Variants in USH2A observed in about 807,000 individuals in gnomAD.
The protein encoded by USH2A is Usher syndrome 2A (autosomal recessive, mild).
A neutral mutation model predicts 538.9 loss-of-function variants in USH2A; 443 were observed. That is an observed-to-expected ratio of 0.82 (90% CI 0.76 to 0.89). The LOEUF (loss-of-function observed/expected upper bound fraction) is 0.89, where lower values mean the gene tolerates loss of function less well. USH2A is among the 40% of genes least tolerant of loss of function. USH2A has a pLI of 0.00. For synonymous variants in USH2A, 2,413 were observed against 2,273.5 expected (o/e 1.06, Z -1.75); for missense variants, 6,633 against 6,324.8 (o/e 1.05, Z -1.65).
At chr1:215,696,993 C>T (rs1004477248) in intron 61 of USH2A, among the ~76,000 whole-genome samples, 4 of 151,990 alleles carry the variant, frequency 2.6e-5, no homozygotes, top group South Asian at 2.1e-4. Context: ...TACTTTGACA[C>T]TCAGGCTGGG....
chr1:216,370,717 T>C (rs2102717403), intron 3 of USH2A, among the ~76,000 whole-genome samples: 1 of 122,602 alleles, frequency 8.2e-6, no homozygotes, highest in East Asian at 2.6e-4. Flanking sequence ...CAAGGTGCTA[T>C]AGAAGCGTGA....
rs886041502 is a variant in USH2A, at chr1:215,888,698, T to TG, written c.7950dup (p.Asn2651GlnfsTer10). The stretch of plus-strand genomic sequence containing the variant: ...ATTGTGAAATTCTCCACCAAGCCAT[T>TG]GGGGTGGGTAGGGGGTTGCCAAGAT... On this transcript the variant is annotated frameshift_variant, in exon 41 of 72. Transcript: ENST00000307340. LOFTEE classifies it high-confidence loss of function. 1.9e-6 allele frequency: 3 copies of TG among 1,614,092 alleles called. No homozygotes were observed. Among genetic ancestry groups the TG allele is most frequent in the Non-Finnish European group, 1.7e-6 (2 of 1,179,988 alleles).
chr1:215,854,809 C>T (rs572500656), intron 44 of USH2A, among the ~76,000 whole-genome samples: 1 of 152,250 alleles, frequency 6.6e-6, no homozygotes, highest in East Asian at 1.9e-4. Context: ...CTCTACCTGG[C>T]CAGTGCCATG....
intron 36 of USH2A, among the ~76,000 whole-genome samples, chr1:215,968,959 T>A (rs969746918): frequency 6.6e-6 from 1 of 152,144 alleles, no homozygotes. Context: ...TAAGGACACA[T>A]TAAAAGAATC....
intron 37 of USH2A, among the ~76,000 whole-genome samples, chr1:215,945,828 C>T (rs1666746313): frequency 1.3e-5 from 2 of 152,100 alleles, no homozygotes; most frequent in African/African-American, 4.8e-5. Context: ...GATTGTCTCA[C>T]TTGCACTTGT....
chr1:215,881,715 TA>T (rs1376515178), intron 41 of USH2A, among the ~76,000 whole-genome samples: 1 of 152,216 alleles, frequency 6.6e-6, no homozygotes, highest in Non-Finnish European at 1.5e-5. Context: ...TTAAAACTTT[TA>T]AATAGAATTA....
chr1:216,280,618 C>G (rs970661260), intron 11 of USH2A, among the ~76,000 whole-genome samples: 10 of 152,154 alleles, frequency 6.6e-5, no homozygotes, highest in South Asian at 4.1e-4. Context: ...TCTGTCTTGA[C>G]TGTGGCATCA....
intron 18 of USH2A, 123 bp from the exon 19 acceptor site, chr1:216,196,845 T>C (rs2034858482): frequency 8.3e-7 from 1 of 1,210,938 alleles, no homozygotes; most frequent in Admixed American, 2.0e-5. Context: ...TATTCTGCTT[T>C]GAAAAAGTCC....
At chr1:215,745,174 C>T (rs1275695476) in intron 58 of USH2A, among the ~76,000 whole-genome samples, 6 of 152,138 alleles carry the variant, frequency 3.9e-5, no homozygotes, top group Non-Finnish European at 7.4e-5. Context: ...TAGAGTGGAT[C>T]CTGCCTTCTT....
chr1:216,175,060 C>A, intron 21 of USH2A, 192 bp downstream of exon 21: 1 of 1,427,668 alleles, frequency 7.0e-7, no homozygotes. Context: ...CTTTCCTTCA[C>A]TTACCTGACT....
rs1659263891 is a variant in USH2A at position 215,709,108 on chromosome 1, T to C, written c.12066+18922A>G. Among the ~76,000 whole-genome samples, 4 of 152,056 alleles carry C rather than the reference T, an allele frequency of 2.6e-5. No homozygotes were observed. The South Asian group carries it at 8.3e-4, about 31-fold the overall frequency. On this transcript the variant is annotated intron_variant, in intron 61 of 71. Coordinates refer to ENST00000307340, the MANE Select transcript of USH2A (RefSeq NM_206933.4). ...ACATGAATGGTCCAATTGTATTTGA[T>C]CAGAAGTGTCAACAAAATTTTGAAA...
chr1:216,049,461 T>A lies in USH2A; in HGVS notation c.6050-814A>T, dbSNP rs578085719. On this transcript the variant is annotated intron_variant, in intron 30 of 71. Coordinates refer to ENST00000307340, the MANE Select transcript of USH2A (RefSeq NM_206933.4). ...AGTTAATCCTGTGAATTAAAAAAAA[T>A]CCAAAATATAACTTGTGCTTTTGCT... Among the ~76,000 whole-genome samples the A allele has an allele frequency of 3.3e-5, 5 of 152,252 alleles. No homozygotes were observed. In the South Asian group the frequency reaches 1.0e-3, roughly 32 times the overall value.
At chr1:215,694,245 G>A (rs572145810) in intron 61 of USH2A, among the ~76,000 whole-genome samples, 12 of 152,074 alleles carry the variant, frequency 7.9e-5, no homozygotes, top group Admixed American at 6.6e-4. Flanking sequence ...CACTCTTTTC[G>A]ATTTAAATTA....
intron 37 of USH2A, among the ~76,000 whole-genome samples, chr1:215,963,378 G>C (rs1410258703): frequency 6.6e-6 from 1 of 151,910 alleles, no homozygotes; most frequent in Non-Finnish European, 1.5e-5. Context: ...AATTTTCCTG[G>C]GGCCCATCTC....
intron 32 of USH2A, among the ~76,000 whole-genome samples, chr1:216,010,667 C>A (rs961094625): frequency 6.6e-6 from 1 of 151,682 alleles, no homozygotes; most frequent in African/African-American, 2.4e-5. Context: ...GGCTTCTAAA[C>A]CTCTTAAAAC....
chr1:215,661,436 G>T (rs2102653177), intron 64 of USH2A, among the ~76,000 whole-genome samples: 1 of 152,236 alleles, frequency 6.6e-6, no homozygotes, highest in Non-Finnish European at 1.5e-5. Context: ...GGCCTAGAAG[G>T]TAACAGCTTC....
chr1:216,367,298 G>C (rs970162606), intron 3 of USH2A, among the ~76,000 whole-genome samples: 3 of 152,044 alleles, frequency 2.0e-5, no homozygotes, highest in African/African-American at 7.2e-5. Context: ...CTCTGTAGAG[G>C]GACAGAAGTT....
At chr1:215,824,170 C>T (rs982873744) in intron 47 of USH2A, among the ~76,000 whole-genome samples, 4 of 152,084 alleles carry the variant, frequency 2.6e-5, no homozygotes, top group African/African-American at 9.7e-5. Context: ...ATTTATTAAA[C>T]AGCAACTTTA....
intron 21 of USH2A, among the ~76,000 whole-genome samples, chr1:216,110,235 A>T (rs1415486178): frequency 1.3e-5 from 2 of 152,188 alleles, no homozygotes; most frequent in African/African-American, 2.4e-5. Context: ...TCATATGCCT[A>T]TAGTCTCAGC....
Sources: allele counts gnomAD v4.1 joint callset (sites outside exome capture counted in the v4.1 genomes callset), GRCh38; gene constraint gnomAD v4.1.1; transcripts MANE v1.5; gene names NCBI Gene and HGNC (gene_info 2026-07-23, HGNC 2026-07-21).